TMEM114: variants seen among roughly 807,000 people sequenced by gnomAD.
TMEM114 encodes claudin-26.
In TMEM114, 6 loss-of-function variants were observed where a neutral mutation model predicts 6.2. That is an observed-to-expected ratio of 0.97 (90% CI 0.53 to 1.91). TMEM114 has a LOEUF of 1.91. TMEM114 is among the 40% of genes most tolerant of loss of function. The pLI is 0.01. For missense variants in TMEM114, 218 were observed against 158.3 expected (o/e 1.38, Z -2.02); for synonymous variants, 104 against 73.0 (o/e 1.42, Z -2.16).
chr16:8,579,250 C>G (rs1411631357), intron 2 of TMEM114, among the ~76,000 whole-genome samples: 3 of 152,188 alleles, frequency 2.0e-5, no homozygotes, highest in Non-Finnish European at 4.4e-5. Context: ...GCGGTCAATG[C>G]TCTTACGCAG....
chr16:8,530,230 C>T, the TMEM114 span, among the ~76,000 whole-genome samples: 10 of 152,330 alleles, frequency 6.6e-5, no homozygotes, highest in South Asian at 2.1e-3. Flanking sequence ...TGAAAACTCA[C>T]TCTCAGCAAA....
intron 2 of TMEM114, among the ~76,000 whole-genome samples, chr16:8,561,890 G>GAGTC (rs1567201793): frequency 1.4e-5 from 2 of 141,780 alleles, no homozygotes; most frequent in African/African-American, 5.0e-5. Context: ...ATGAGTGAGT[G>GAGTC]AATGAGTAAA....
chr16:8,586,664 C>T (rs1214230219), intron 2 of TMEM114, among the ~76,000 whole-genome samples: 3 of 152,144 alleles, frequency 2.0e-5, no homozygotes, highest in African/African-American at 7.2e-5. Flanking sequence ...CAGGTGGCAC[C>T]ACACCGGGCT....
chr16:8,553,404 C>G (rs1174872304), intron 2 of TMEM114, among the ~76,000 whole-genome samples: 1 of 152,098 alleles, frequency 6.6e-6, no homozygotes, highest in East Asian at 1.9e-4. Flanking sequence ...GGACTTGAAT[C>G]TTTTTTTGGG....
chr16:8,547,396 CTTTT>C (rs748623573), intron 2 of TMEM114, among the ~76,000 whole-genome samples: 22 of 74,360 alleles, frequency 3.0e-4, no homozygotes, highest in African/African-American at 1.2e-3. Flanking sequence ...TTCTTTCTTT[CTTTT>C]TTTTTTTTTT....
chr16:8,535,237 A>G (rs1325144420), downstream of TMEM114, among the ~76,000 whole-genome samples: 1 of 118,018 alleles, frequency 8.5e-6, no homozygotes, highest in African/African-American at 2.8e-5. Flanking sequence ...AGGAAGGGTT[A>G]AAAAGCTCTA....
At chr16:8,530,617 G>C in the TMEM114 span, among the ~76,000 whole-genome samples, 1 of 151,866 alleles carries the variant, frequency 6.6e-6, no homozygotes, top group African/African-American at 2.4e-5. Context: ...AGGGAAGGTG[G>C]GATGGATGAA....
At position 8,583,502 on chromosome 16, in the gene TMEM114, T is replaced by C. The variant is rs146027160; in HGVS notation, c.301+5711A>G. 2.3e-3 allele frequency among the ~76,000 whole-genome samples: 349 copies of C among 152,198 alleles called. 2 individuals are homozygous for C. Among genetic ancestry groups the C allele is most frequent in the Non-Finnish European group, 3.8e-3 (261 of 67,998 alleles). ...GTTCAGGCCTGTTATCCCAGCACTT[T>C]GGGAGGCCAAGGCAGGAGGGTCGCT... is the stretch of plus-strand genomic sequence containing the variant. On this transcript the variant is annotated intron_variant, in intron 2 of 3. Coordinates refer to ENST00000620492, the MANE Select transcript of TMEM114 (RefSeq NM_001146336.2).
intron 3 of TMEM114, among the ~76,000 whole-genome samples, chr16:8,571,083 C>T (rs1201964951): frequency 2.0e-5 from 3 of 150,920 alleles, no homozygotes; most frequent in Admixed American, 2.0e-4. Context: ...GTTTTTTTTC[C>T]TCTGTGGATT....
At chr16:8,538,464 C>A (rs1311735085) in intron 2 of TMEM114, among the ~76,000 whole-genome samples, 3 of 151,702 alleles carry the variant, frequency 2.0e-5, no homozygotes, top group African/African-American at 7.3e-5. Context: ...CTGTATGAAC[C>A]TAGACAAAGA....
At chr16:8,586,096 A>G (rs1213121841) in intron 2 of TMEM114, among the ~76,000 whole-genome samples, 2 of 152,196 alleles carry the variant, frequency 1.3e-5, no homozygotes, top group Non-Finnish European at 2.9e-5. Flanking sequence ...CATGGATGTG[A>G]TAAGTCAGCT....
chr16:8,559,381 C>G (rs1489060795), intron 2 of TMEM114, among the ~76,000 whole-genome samples: 1 of 151,446 alleles, frequency 6.6e-6, no homozygotes, highest in Non-Finnish European at 1.5e-5. Flanking sequence ...GCTTCCATCG[C>G]ACAGATCAGG....
At chr16:8,528,371 C>G in the TMEM114 span, among the ~76,000 whole-genome samples, 1 of 152,198 alleles carries the variant, frequency 6.6e-6, no homozygotes, top group Non-Finnish European at 1.5e-5. Context: ...GTACCTGGCT[C>G]ATGCACCATG....
chr16:8,538,848 G>T (rs1374575331), intron 2 of TMEM114, among the ~76,000 whole-genome samples: 3 of 152,106 alleles, frequency 2.0e-5, no homozygotes, highest in Non-Finnish European at 4.4e-5. Flanking sequence ...CATTGCATAT[G>T]TGTGTGGATG....
chr16:8,534,352 G>GAAA (rs151135400), downstream of TMEM114, among the ~76,000 whole-genome samples: 51,057 of 148,494 alleles, frequency 0.34, 9,062 homozygotes, highest in South Asian at 0.47. Flanking sequence ...TTGCTTATTT[G>GAAA]AAAAAAAAAA....
downstream of TMEM114, among the ~76,000 whole-genome samples, chr16:8,536,013 G>A (rs190820676): frequency 2.8e-3 from 422 of 152,236 alleles, no homozygotes; most frequent in Admixed American, 4.9e-3. Flanking sequence ...ATCACCTGAG[G>A]TGAGGAGTTG....
chr16:8,551,909 A>G (rs1055293524), intron 2 of TMEM114, among the ~76,000 whole-genome samples: 6 of 152,366 alleles, frequency 3.9e-5, no homozygotes, highest in South Asian at 2.1e-4. Flanking sequence ...CTACTCAGCA[A>G]TGAAAAGGAG....
Position 8,570,131 on chromosome 16 carries a change from C to G in TMEM114, c.440-126G>C, listed in dbSNP as rs1340288296. 1.2e-5 allele frequency: 16 copies of G among 1,299,180 alleles called. No individual in the cohort carries two copies. In the East Asian group the frequency reaches 4.1e-4, roughly 33 times the overall value. 80.5% of individuals were successfully genotyped at this position (1,299,180 alleles called of 1,614,324 possible). On this transcript the variant is annotated intron_variant, in intron 3 of 3. Transcript: ENST00000620492. ...GTCCTCGCTCCTTCCTGCTGCGGGA[C>G]CTTTGCGCGTGCTAGTCTCCCCGCT... is the stretch of plus-strand genomic sequence containing the variant.
chr16:8,533,648 T>C (rs548652924), downstream of TMEM114, among the ~76,000 whole-genome samples: 217 of 152,328 alleles, frequency 1.4e-3, 1 homozygote, highest in Non-Finnish European at 2.3e-3. Context: ...AAGTACCAAT[T>C]GAGTGTTACA....
Sources: gnomAD v4.1 joint callset for allele counts (sites outside exome capture counted in the v4.1 genomes callset) on GRCh38, gnomAD v4.1.1 for gene constraint, MANE v1.5 for transcripts, NCBI Gene and HGNC (gene_info 2026-07-23, HGNC 2026-07-21) for gene names.